CUL3: variants seen among roughly 807,000 people sequenced by gnomAD.
The protein encoded by CUL3 is cullin-3.
CUL3 carries 19 observed loss-of-function variants against 89.1 expected under a neutral mutation model. The ratio of observed to expected loss-of-function variants is 0.21; its 90% CI spans 0.15 to 0.31. CUL3 has a LOEUF of 0.31. Ranked by LOEUF, CUL3 falls within the 10% of genes least tolerant of loss-of-function variation. The pLI, the probability that CUL3 is intolerant of heterozygous loss-of-function variation, is 1.00. For missense variants in CUL3, 469 were observed against 942.3 expected (o/e 0.50, Z 6.58); for synonymous variants, 351 against 308.4 (o/e 1.14, Z -1.45).
rs1035970076 is a variant in CUL3, at chr2:224,472,950, T to A, written c.*1295A>T. On this transcript the variant is annotated 3_prime_UTR_variant, in exon 16 of 16. Coordinates refer to ENST00000264414, the MANE Select transcript of CUL3 (RefSeq NM_003590.5). ...AGAAATCTATAGTGGTTTGCCCCAT[T>A]ACATATCTGAAACATTGTCTTATGA... The A allele has an allele frequency of 4.8e-6, 1 of 209,662 alleles. No individual in the cohort carries two copies. Among genetic ancestry groups the A allele is most frequent in the Non-Finnish European group, 9.7e-6 (1 of 102,900 alleles). The allele number at this position is 209,662 out of a possible 1,614,324, so 13.0% of individuals were successfully genotyped here. A position where few individuals can be genotyped will look rare whatever the true frequency, so the allele number is the denominator to read the frequency against.
At chr2:224,576,946 T>C (rs923346922) in intron 1 of CUL3, among the ~76,000 whole-genome samples, 1 of 152,204 alleles carries the variant, frequency 6.6e-6, no homozygotes, top group South Asian at 2.1e-4. Context: ...ACTAAACCCA[T>C]ATCCTTTGAG....
At chr2:224,516,585 G>C (rs1258924449) in intron 3 of CUL3, among the ~76,000 whole-genome samples, 1 of 151,858 alleles carries the variant, frequency 6.6e-6, no homozygotes. Flanking sequence ...AAAATGCTGG[G>C]ATTACAGGCG....
chr2:224,521,711 T>G (rs1012468593), intron 3 of CUL3, among the ~76,000 whole-genome samples: 1 of 151,960 alleles, frequency 6.6e-6, no homozygotes, highest in Non-Finnish European at 1.5e-5. Flanking sequence ...CTACTCCTAA[T>G]AGACCAAGGA....
chr2:224,532,851 G>A (rs1437789501), intron 3 of CUL3: 2 of 152,148 alleles, frequency 1.3e-5, no homozygotes, highest in Non-Finnish European at 2.9e-5. Context: ...CATAGCACAG[G>A]TTGAGATGTG....
chr2:224,553,310 G>A (rs1240451118), intron 2 of CUL3, among the ~76,000 whole-genome samples: 1 of 152,172 alleles, frequency 6.6e-6, no homozygotes, highest in Non-Finnish European at 1.5e-5. Context: ...TGCTGAAATT[G>A]CTACATTTCC....
chr2:224,526,600 A>G (rs1346205426), intron 3 of CUL3, among the ~76,000 whole-genome samples: 4 of 149,436 alleles, frequency 2.7e-5, no homozygotes, highest in Non-Finnish European at 3.0e-5. Flanking sequence ...AAAAAAAAAA[A>G]AAAAAAAAAA....
chr2:224,484,763 T>C (rs1180189778), intron 13 of CUL3, among the ~76,000 whole-genome samples: 1 of 152,226 alleles, frequency 6.6e-6, no homozygotes, highest in African/African-American at 2.4e-5. Context: ...ATTGAGGTCT[T>C]AATACTACCC....
intron 1 of CUL3, among the ~76,000 whole-genome samples, chr2:224,559,165 A>C (rs1466757119): frequency 6.6e-6 from 1 of 152,080 alleles, no homozygotes; most frequent in Non-Finnish European, 1.5e-5. Flanking sequence ...TGTCAGTTTC[A>C]CCACATGGAC....
At chr2:224,542,971 G>C (rs1311753829) in intron 2 of CUL3, among the ~76,000 whole-genome samples, 1 of 152,068 alleles carries the variant, frequency 6.6e-6, no homozygotes, top group Non-Finnish European at 1.5e-5. Flanking sequence ...AGAGCTGAAG[G>C]ACATAATGTG....
chr2:224,504,106 G>A (rs1206809288), intron 8 of CUL3: 1 of 240,980 alleles, frequency 4.1e-6, no homozygotes, highest in African/African-American at 2.2e-5. Flanking sequence ...GCTGGGTTAA[G>A]GGATGATTGA....
chr2:224,553,745 G>A (rs1694602333), intron 2 of CUL3, among the ~76,000 whole-genome samples: 1 of 152,128 alleles, frequency 6.6e-6, no homozygotes. Context: ...GGAGGTGGTT[G>A]TCTATAGACC....
chr2:224,553,891 GACA>G (rs916294132), intron 2 of CUL3, among the ~76,000 whole-genome samples: 5 of 152,168 alleles, frequency 3.3e-5, no homozygotes, highest in Non-Finnish European at 7.3e-5. Context: ...AGATGAGGAA[GACA>G]ACAGTTAACC....
chr2:224,521,751 C>A (rs1693273976), intron 3 of CUL3, among the ~76,000 whole-genome samples: 1 of 151,842 alleles, frequency 6.6e-6, no homozygotes, highest in Non-Finnish European at 1.5e-5. Context: ...ATTCATCTAT[C>A]CTCTGCCTGG....
intron 10 of CUL3, 135 bp from the exon 11 acceptor site, chr2:224,500,622 C>CTTTT: frequency 3.3e-6 from 2 of 610,070 alleles, no homozygotes; most frequent in South Asian, 4.5e-5. Flanking sequence ...AGCAGATTTT[C>CTTTT]TTTTCTTTTT....
chr2:224,531,565 C>T (rs1488777458), intron 3 of CUL3, among the ~76,000 whole-genome samples: 1 of 152,082 alleles, frequency 6.6e-6, no homozygotes, highest in Non-Finnish European at 1.5e-5. Flanking sequence ...CATCCTCATA[C>T]ACTCCACTGG....
chr2:224,562,944 T>C (rs1332160356), intron 1 of CUL3: 1 of 182,868 alleles, frequency 5.5e-6, no homozygotes, highest in Non-Finnish European at 1.1e-5. Flanking sequence ...CTGGGTTCAA[T>C]AACAGCATCT....
At chr2:224,517,668 A>T (rs77195015) in intron 3 of CUL3, among the ~76,000 whole-genome samples, 2,337 of 152,332 alleles carry the variant, frequency 0.015, 65 homozygotes, top group African/African-American at 0.054. Flanking sequence ...CCCATTTCAA[A>T]AAGAAAACAA....
chr2:224,540,965 C>A (rs1694080564), intron 2 of CUL3, among the ~76,000 whole-genome samples: 1 of 152,024 alleles, frequency 6.6e-6, no homozygotes, highest in Non-Finnish European at 1.5e-5. Context: ...AAGAAAAATA[C>A]CTAGCTGTAT....
chr2:224,552,015 ACTATCT>A (rs1694532999), intron 2 of CUL3, among the ~76,000 whole-genome samples: 1 of 152,090 alleles, frequency 6.6e-6, no homozygotes, highest in Non-Finnish European at 1.5e-5. Flanking sequence ...TTACCTGTTT[ACTATCT>A]GTTTCATAAG....
Sources: gnomAD v4.1 joint callset for allele counts (sites outside exome capture counted in the v4.1 genomes callset) on GRCh38, gnomAD v4.1.1 for gene constraint, MANE v1.5 for transcripts, NCBI Gene and HGNC (gene_info 2026-07-23, HGNC 2026-07-21) for gene names.